Variants in GRM5 observed in about 807,000 individuals in gnomAD.
The protein encoded by GRM5 is metabotropic glutamate receptor 5.
GRM5 carries 19 observed loss-of-function variants against 83.1 expected under a neutral mutation model. The observed-to-expected ratio is 0.23, with a 90% CI of 0.16 to 0.34. The LOEUF (loss-of-function observed/expected upper bound fraction) is 0.34, where lower values mean the gene tolerates loss of function less well. Ranked by LOEUF, GRM5 falls within the 10% of genes least tolerant of loss-of-function variation. GRM5 has a pLI of 1.00. For missense variants in GRM5, 1,160 were observed against 1,588.3 expected (o/e 0.73, Z 4.58); for synonymous variants, 675 against 633.6 (o/e 1.07, Z -0.98).
intron 9 of GRM5, among the ~76,000 whole-genome samples, chr11:88,511,510 A>T (rs1397323926): frequency 6.6e-6 from 1 of 152,140 alleles, no homozygotes; most frequent in Non-Finnish European, 1.5e-5. Flanking sequence ...CTTTCCATGT[A>T]ATCTACCCAA....
intron 2 of GRM5, among the ~76,000 whole-genome samples, chr11:89,045,225 TG>T: frequency 6.6e-6 from 1 of 152,310 alleles, no homozygotes; most frequent in East Asian, 1.9e-4. Flanking sequence ...ACAAATAGAA[TG>T]TTTTCATGTA....
At chr11:88,858,273 T>A (rs1361185509) in intron 2 of GRM5, among the ~76,000 whole-genome samples, 1 of 152,046 alleles carries the variant, frequency 6.6e-6, no homozygotes, top group Admixed American at 6.6e-5. Context: ...AGAAAACAAA[T>A]TGCTAGTATA....
intron 3 of GRM5, among the ~76,000 whole-genome samples, chr11:88,664,542 G>A (rs1436016298): frequency 2.6e-5 from 4 of 152,038 alleles, no homozygotes; most frequent in Admixed American, 2.6e-4. Context: ...CGCCTCCTGG[G>A]TTCAAGCAAT....
At chr11:88,800,930 T>C (rs898704524) in intron 3 of GRM5, among the ~76,000 whole-genome samples, 4 of 152,102 alleles carry the variant, frequency 2.6e-5, no homozygotes, top group Non-Finnish European at 5.9e-5. Context: ...TTAAACAGGG[T>C]CTAGCTTTTT....
intron 2 of GRM5, among the ~76,000 whole-genome samples, chr11:89,028,161 T>G (rs1262829102): frequency 1.3e-5 from 2 of 152,198 alleles, no homozygotes; most frequent in African/African-American, 4.8e-5. Context: ...TCTGTGGTAG[T>G]CTGGTATGGC....
At chr11:88,735,904 A>AGAT (rs1941904145) in intron 3 of GRM5, among the ~76,000 whole-genome samples, 1 of 152,062 alleles carries the variant, frequency 6.6e-6, no homozygotes, top group Non-Finnish European at 1.5e-5. Flanking sequence ...CAAATTCAAA[A>AGAT]GATATAATTA....
intron 8 of GRM5, among the ~76,000 whole-genome samples, chr11:88,556,324 CTTTTTTT>C (rs377331160): frequency 7.7e-6 from 1 of 129,756 alleles, no homozygotes; most frequent in African/African-American, 2.9e-5. Flanking sequence ...CTTTTCTTTT[CTTTTTTT>C]TTTTTTTTTT....
chr11:88,889,792 C>G (rs763866770), intron 2 of GRM5, among the ~76,000 whole-genome samples: 8 of 152,080 alleles, frequency 5.3e-5, no homozygotes, highest in Non-Finnish European at 1.2e-4. Context: ...AAGATAACTT[C>G]TGGTAGTCCT....
At chr11:88,869,938 T>C in intron 2 of GRM5, among the ~76,000 whole-genome samples, 1 of 151,584 alleles carries the variant, frequency 6.6e-6, no homozygotes, top group Middle Eastern at 3.2e-3. Flanking sequence ...AAGTAGATTC[T>C]TTTTGCTTGA....
chr11:88,749,857 G>C (rs1355192300), intron 3 of GRM5, among the ~76,000 whole-genome samples: 1 of 151,958 alleles, frequency 6.6e-6, no homozygotes, highest in African/African-American at 2.4e-5. Context: ...TTATAAGTAA[G>C]GAGAATTTTT....
chr11:89,035,482 T>A lies in GRM5; in HGVS notation c.661+11730A>T, dbSNP rs1941362134. On this transcript the variant is annotated intron_variant, in intron 2 of 9. Coordinates refer to ENST00000305447, the MANE Select transcript of GRM5 (RefSeq NM_001143831.3). ...ATATATGACAGTTGAAAAGAGGGTA[T>A]ATAACCAAGCAATATGAAGACAGTT... is the stretch of plus-strand genomic sequence containing the variant. 2.6e-5 allele frequency among the ~76,000 whole-genome samples: 4 copies of A among 151,682 alleles called. No individual in the cohort carries two copies. The South Asian group carries it at 8.3e-4, about 32-fold the overall frequency.
Position 88,735,149 on chromosome 11 carries a change from T to C in GRM5, c.912-81746A>G, listed in dbSNP as rs549466769. Among the ~76,000 whole-genome samples the C allele has an allele frequency of 1.3e-4, 20 of 152,068 alleles. No homozygotes were observed. In the South Asian group the frequency reaches 4.1e-3, roughly 32 times the overall value. ...ATCTTATATAACTCGAAGAAATACA[T>C]TGTTTAGTTTTATTTTTTTAAATGA... is the stretch of plus-strand genomic sequence containing the variant. On this transcript the variant is annotated intron_variant, in intron 3 of 9. Transcript: ENST00000305447.
chr11:89,021,827 C>A (rs1209039173), intron 2 of GRM5, among the ~76,000 whole-genome samples: 1 of 152,132 alleles, frequency 6.6e-6, no homozygotes, highest in East Asian at 1.9e-4. Context: ...CTCTTTAAGT[C>A]ATTCATTCAT....
chr11:88,863,305 G>A (rs1944600568), intron 2 of GRM5, among the ~76,000 whole-genome samples: 1 of 151,858 alleles, frequency 6.6e-6, no homozygotes, highest in African/African-American at 2.4e-5. Context: ...AAATATACAA[G>A]CATGTGTATG....
intron 3 of GRM5, among the ~76,000 whole-genome samples, chr11:88,827,834 A>T (rs184700569): frequency 1.3e-5 from 2 of 152,356 alleles, no homozygotes; most frequent in East Asian, 3.9e-4. Flanking sequence ...GACTAGAGAG[A>T]CAATAAACCA....
At chr11:88,729,704 G>T (rs1490907585) in intron 3 of GRM5, among the ~76,000 whole-genome samples, 1 of 151,984 alleles carries the variant, frequency 6.6e-6, no homozygotes, top group Non-Finnish European at 1.5e-5. Flanking sequence ...CAGAACAGAG[G>T]CCTCAGAAAT....
intron 2 of GRM5, among the ~76,000 whole-genome samples, chr11:88,964,899 C>T (rs1938897894): frequency 6.6e-6 from 1 of 152,068 alleles, no homozygotes; most frequent in Non-Finnish European, 1.5e-5. Flanking sequence ...AGAATGACAT[C>T]TTTAAAGTGC....
intron 3 of GRM5, among the ~76,000 whole-genome samples, chr11:88,839,470 A>C (rs1230202675): frequency 6.6e-6 from 1 of 152,206 alleles, no homozygotes; most frequent in African/African-American, 2.4e-5. Flanking sequence ...TTAAAACTAC[A>C]AATTAAAACA....
chr11:88,748,412 A>G (rs1942188851), intron 3 of GRM5, among the ~76,000 whole-genome samples: 1 of 152,142 alleles, frequency 6.6e-6, no homozygotes, highest in Admixed American at 6.6e-5. Context: ...AATCCTAGGC[A>G]GCCAACAGCA....
Sources: gnomAD v4.1 joint callset for allele counts (sites outside exome capture counted in the v4.1 genomes callset) on GRCh38, gnomAD v4.1.1 for gene constraint, MANE v1.5 for transcripts, NCBI Gene and HGNC (gene_info 2026-07-23, HGNC 2026-07-21) for gene names.